The following CHRM3 variants were observed in gnomAD, a reference collection of about 807,000 sequenced individuals.
The protein encoded by CHRM3 is muscarinic acetylcholine receptor M3.
In CHRM3, 11 loss-of-function variants were observed where a neutral mutation model predicts 41.8. That is an observed-to-expected ratio of 0.26 (90% confidence interval 0.17 to 0.44). The LOEUF (loss-of-function observed/expected upper bound fraction) is 0.44. Ranked by LOEUF, CHRM3 falls within the 20% of genes least tolerant of loss-of-function variation. The pLI is 1.00. For missense variants in CHRM3, 571 were observed against 745.4 expected (o/e 0.77, Z 2.72); for synonymous variants, 297 against 301.4 (o/e 0.99, Z 0.15).
intron 5 of CHRM3, among the ~76,000 whole-genome samples, chr1:239,726,058 C>A (rs966911762): frequency 6.6e-6 from 1 of 151,942 alleles, no homozygotes. Context: ...TGGAACACAG[C>A]CATGCACGTT....
At chr1:239,529,387 A>G (rs1670212012) in intron 2 of CHRM3, among the ~76,000 whole-genome samples, 1 of 152,150 alleles carries the variant, frequency 6.6e-6, no homozygotes, top group Non-Finnish European at 1.5e-5. Context: ...GAGGCAAGGC[A>G]GACCACTTGA....
At chr1:239,680,924 G>A (rs1173872463) in intron 5 of CHRM3, among the ~76,000 whole-genome samples, 2 of 152,076 alleles carry the variant, frequency 1.3e-5, no homozygotes, top group Non-Finnish European at 2.9e-5. Flanking sequence ...GGAAGAAAAA[G>A]GGGTTTAATT....
chr1:239,491,493 T>A (rs1667550370), intron 1 of CHRM3, among the ~76,000 whole-genome samples: 1 of 152,238 alleles, frequency 6.6e-6, no homozygotes, highest in South Asian at 2.1e-4. Flanking sequence ...TTCTCCAAGC[T>A]CCATGTTGCC....
intron 2 of CHRM3, among the ~76,000 whole-genome samples, chr1:239,498,493 T>G (rs1668023640): frequency 6.6e-6 from 1 of 152,174 alleles, no homozygotes; most frequent in Admixed American, 6.6e-5. Context: ...TTCGTGTGTG[T>G]GTAATCTAAG....
At chr1:239,497,699 G>A (rs537114655) in intron 2 of CHRM3, among the ~76,000 whole-genome samples, 4 of 152,326 alleles carry the variant, frequency 2.6e-5, no homozygotes, top group African/African-American at 7.2e-5. Flanking sequence ...ACTAACAGTG[G>A]TGAAACCTGG....
At chr1:239,496,086 AAAT>A (rs1227481582) in intron 2 of CHRM3, among the ~76,000 whole-genome samples, 1 of 152,060 alleles carries the variant, frequency 6.6e-6, no homozygotes, top group Non-Finnish European at 1.5e-5. Flanking sequence ...GGTTTATCTA[AAAT>A]AATACTTTTA....
At chr1:239,807,157 A>G (rs974907055) in intron 5 of CHRM3, among the ~76,000 whole-genome samples, 3 of 152,246 alleles carry the variant, frequency 2.0e-5, no homozygotes, top group African/African-American at 7.2e-5. Context: ...TAAAAGAAAT[A>G]AAAGTCCTAT....
chr1:239,756,267 T>C (rs1666234917), intron 5 of CHRM3, among the ~76,000 whole-genome samples: 1 of 152,174 alleles, frequency 6.6e-6, no homozygotes, highest in Non-Finnish European at 1.5e-5. Flanking sequence ...CAACACTCAT[T>C]ACAGTGATGA....
chr1:239,500,961 C>T (rs1378460111), intron 2 of CHRM3, among the ~76,000 whole-genome samples: 1 of 152,128 alleles, frequency 6.6e-6, no homozygotes, highest in Non-Finnish European at 1.5e-5. Flanking sequence ...ACACGAAAAG[C>T]GGGCAGGGGT....
At chr1:239,794,205 A>G (rs1360469765) in intron 5 of CHRM3, among the ~76,000 whole-genome samples, 3 of 152,132 alleles carry the variant, frequency 2.0e-5, no homozygotes, top group African/African-American at 7.2e-5. Flanking sequence ...AATAAATGAT[A>G]TATCAGCTAG....
intron 6 of CHRM3, among the ~76,000 whole-genome samples, chr1:239,843,904 T>G (rs187391933): frequency 7.6e-4 from 116 of 152,212 alleles, no homozygotes; most frequent in Non-Finnish European, 6.8e-4. Context: ...TAGAGATATA[T>G]ACTCTATATA....
At chr1:239,411,340 T>C (rs559366899) in intron 1 of CHRM3, among the ~76,000 whole-genome samples, 32 of 152,262 alleles carry the variant, frequency 2.1e-4, no homozygotes, top group African/African-American at 7.7e-4. Context: ...AATGTTTTGT[T>C]TTACTTAACA....
chr1:239,453,185 C>G (rs1417931222), intron 1 of CHRM3, among the ~76,000 whole-genome samples: 1 of 152,228 alleles, frequency 6.6e-6, no homozygotes, highest in African/African-American at 2.4e-5. Context: ...CTTCAGACTT[C>G]AAGCTCAATA....
In CHRM3 at chr1:239,899,374, T is replaced by A. The variant is rs554340483; in HGVS notation, c.-19-8059T>A. ...GTGTATATATACATAAATACATATA[T>A]ACATATATAAACACATATACATATA... On this transcript the variant is annotated intron_variant, in intron 6 of 6. Transcript: ENST00000676153. Among the ~76,000 whole-genome samples the A allele has an allele frequency of 2.0e-5, 3 of 150,600 alleles. No individual in the cohort carries two copies. In the East Asian group the frequency reaches 5.9e-4, roughly 29 times the overall value.
chr1:239,684,815 T>A (rs1164432246), intron 5 of CHRM3, among the ~76,000 whole-genome samples: 1 of 121,446 alleles, frequency 8.2e-6, no homozygotes, highest in African/African-American at 2.9e-5. Flanking sequence ...AAAGAGAGGA[T>A]GGCATATGGA....
Position 239,907,954 on chromosome 1 carries a change from T to C in CHRM3, c.503T>C (p.Phe168Ser). 6.2e-7 allele frequency: 1 copy of C among 1,614,202 alleles called. No homozygotes were observed. Among genetic ancestry groups the C allele is most frequent in the Non-Finnish European group, 8.5e-7 (1 of 1,180,036 alleles). Reference sequence around the variant, plus strand: ...CTGGTCATCAGCTTTGACAGATACTTTTCCATCACGAGGCCGCTCACGTAC... The same window carrying C: ...CTGGTCATCAGCTTTGACAGATACTCTTCCATCACGAGGCCGCTCACGTAC... Reference protein sequence around the residue: ...NLLVISFDRYFSITRPLTYRA... With the variant: ...NLLVISFDRYSSITRPLTYRA... The change falls in exon 7 of 7, where the codon TTT becomes TCT. Residue 168 changes from phenylalanine to serine, a missense_variant. Phe to Ser is a radical substitution (Grantham distance 155). This residue lies in a region of CHRM3 where 153 missense variants were observed against 296.3 expected (regional missense o/e 0.52). Transcript: ENST00000676153. This position sits in a 1 kb window ranked among gnomAD's most constrained non-coding sequence, Gnocchi z 5.4.
intron 6 of CHRM3, among the ~76,000 whole-genome samples, chr1:239,872,708 T>C (rs1032373484): frequency 6.6e-6 from 1 of 152,178 alleles, no homozygotes; most frequent in Non-Finnish European, 1.5e-5. Context: ...AAAATCCGAA[T>C]GTAACATTCT....
intron 4 of CHRM3, among the ~76,000 whole-genome samples, chr1:239,674,379 A>G (rs1395794558): frequency 2.6e-5 from 4 of 152,114 alleles, no homozygotes; most frequent in Non-Finnish European, 4.4e-5. Context: ...GTTAATGTAC[A>G]TTGTACTTAC....
At chr1:239,805,534 A>C (rs1460913382) in intron 5 of CHRM3, among the ~76,000 whole-genome samples, 1 of 152,164 alleles carries the variant, frequency 6.6e-6, no homozygotes, top group East Asian at 1.9e-4. Flanking sequence ...GAGAAAACAA[A>C]GTGAGAAGAA....
Sources: allele counts gnomAD v4.1 joint callset (sites outside exome capture counted in the v4.1 genomes callset), GRCh38; gene constraint gnomAD v4.1.1; regional missense constraint gnomAD v4.1.1; non-coding constraint Gnocchi (gnomAD v3.1); transcripts MANE v1.5; gene names NCBI Gene and HGNC (gene_info 2026-07-23, HGNC 2026-07-21).